ACACB: variants seen among roughly 807,000 people sequenced by gnomAD.
ACACB encodes acetyl-CoA carboxylase 2.
In ACACB, 209 loss-of-function variants were observed where a neutral mutation model predicts 278.8. That is an observed-to-expected ratio of 0.75 (90% CI 0.67 to 0.84). The LOEUF (loss-of-function observed/expected upper bound fraction) is 0.84, where lower values mean the gene tolerates loss of function less well. ACACB is among the 40% of genes least tolerant of loss of function. ACACB has a pLI of 0.00. For missense variants in ACACB, 2,850 were observed against 3,269.0 expected (o/e 0.87, Z 3.13); for synonymous variants, 1,174 against 1,285.6 (o/e 0.91, Z 1.86).
At chr12:109,139,305 C>T in intron 1 of ACACB, 92 bp from the exon 2 acceptor site, 1 of 1,206,134 alleles carries the variant, frequency 8.3e-7, no homozygotes, top group Non-Finnish European at 1.2e-6. Context: ...GAATACACAG[C>T]ACCCCAACAG....
chr12:109,198,393 G>A (rs1039608778), intron 17 of ACACB, among the ~76,000 whole-genome samples: 3 of 152,144 alleles, frequency 2.0e-5, no homozygotes, highest in Non-Finnish European at 4.4e-5. Context: ...CCAAAAAAGG[G>A]TCACATCCTT....
chr12:109,240,951 G>A, intron 35 of ACACB, 127 bp from the exon 36 acceptor site: 2 of 806,036 alleles, frequency 2.5e-6, no homozygotes, highest in South Asian at 1.7e-5. Context: ...ACTTTTTGTT[G>A]GATACACACT....
At chr12:109,183,513 T>C (rs577173704) in intron 11 of ACACB, among the ~76,000 whole-genome samples, 173 of 152,340 alleles carry the variant, frequency 1.1e-3, no homozygotes, top group African/African-American at 3.7e-3. Flanking sequence ...TGGTTAAGTT[T>C]ATTCCAGGGA....
intron 1 of ACACB, among the ~76,000 whole-genome samples, chr12:109,122,220 G>A (rs945904529): frequency 1.3e-5 from 2 of 152,156 alleles, no homozygotes; most frequent in Admixed American, 6.5e-5. Context: ...GTGACTTTGC[G>A]TCACTTCAAC....
In ACACB at chr12:109,166,932, T is replaced by C; in HGVS notation, c.725T>C (p.Phe242Ser). 1.2e-6 allele frequency: 2 copies of C among 1,613,974 alleles called. No individual in the cohort carries two copies. The highest frequency in any genetic ancestry group is 1.7e-6 in the Non-Finnish European group (2 of 1,180,026). Residue 242 changes from phenylalanine to serine, a missense_variant, in exon 3 of 53, where the codon TTT (phenylalanine) becomes TCT (serine). By Grantham distance (155) the Phe-to-Ser change is radical (BLOSUM62 -2). Transcript: ENST00000338432. ...EHKKLDLHRD[F>S]TVASPAEFVT... ...AAGAAGCTGGACCTGCACAGAGACT[T>C]TACCGTGGCTTCTCCCGCTGAGTTT...
chr12:109,242,701 G>C (rs1239123379), intron 37 of ACACB, 109 bp downstream of exon 37: 1 of 1,354,080 alleles, frequency 7.4e-7, no homozygotes, highest in East Asian at 2.3e-5. Flanking sequence ...TAAAGGACAA[G>C]GTCTTGCCAG....
intron 1 of ACACB, among the ~76,000 whole-genome samples, chr12:109,135,052 T>C (rs532058151): frequency 6.6e-6 from 1 of 152,320 alleles, no homozygotes; most frequent in East Asian, 1.9e-4. Context: ...TGCTGGATCA[T>C]ATGATAATTC....
chr12:109,131,058 C>T (rs1340435676), intron 1 of ACACB, among the ~76,000 whole-genome samples: 1 of 152,148 alleles, frequency 6.6e-6, no homozygotes, highest in Non-Finnish European at 1.5e-5. Context: ...ATTGCATGAG[C>T]AGTGAAGTAG....
At chr12:109,163,590 T>G (rs868173361) in intron 2 of ACACB, among the ~76,000 whole-genome samples, 1 of 151,980 alleles carries the variant, frequency 6.6e-6, no homozygotes, top group South Asian at 2.1e-4. Context: ...TAATAGGACT[T>G]CGGGAAAAAA....
intron 22 of ACACB, among the ~76,000 whole-genome samples, chr12:109,215,745 G>A (rs1283536393): frequency 1.3e-5 from 2 of 151,854 alleles, no homozygotes; most frequent in Non-Finnish European, 2.9e-5. Flanking sequence ...CAGCCTGGCC[G>A]ACTGAGCGAG....
intron 2 of ACACB, among the ~76,000 whole-genome samples, chr12:109,141,485 G>T (rs764821082): frequency 2.4e-4 from 36 of 152,192 alleles, no homozygotes; most frequent in Non-Finnish European, 5.1e-4. Context: ...ACAGAGAGAA[G>T]AAAAGAGCCA....
At chr12:109,210,235 ATATATG>A (rs1271870538) in intron 21 of ACACB, among the ~76,000 whole-genome samples, 289 of 21,036 alleles carry the variant, frequency 0.014, 74 homozygotes, top group Middle Eastern at 0.077. Context: ...GTGTATATGT[ATATATG>A]TATATATACA....
chr12:109,248,790 T>A (rs1377105388), intron 40 of ACACB, among the ~76,000 whole-genome samples: 1 of 152,236 alleles, frequency 6.6e-6, no homozygotes, highest in Non-Finnish European at 1.5e-5. Context: ...GTACTTTGCA[T>A]CCTAAAGTTG....
rs757945449 is a variant in ACACB at position 109,212,887 on chromosome 12, C to T, written c.3301C>T (p.Arg1101Ter). The T allele has an allele frequency of 2.7e-5, 43 of 1,614,002 alleles. No individual in the cohort carries two copies. The highest frequency in any genetic ancestry group is 3.3e-5 in the Admixed American group (2 of 60,006). Reference protein sequence around the residue: ...HAATLQRKADREVFFINTQSI... With the variant: ...HAATLQRKAD ...AGCCACCCTGCAGCGGAAGGCTGAT[C>T]GAGAGGTCTTCTTCATCAACACCCA... Residue 1101 changes from arginine (R) to a stop codon, truncating the protein, a stop_gained, in exon 22 of 53, where the codon CGA becomes TGA. Transcript: ENST00000338432. LOFTEE classifies it high-confidence loss of function.
At chr12:109,232,879 A>G (rs1047488474) in intron 29 of ACACB, 73 bp downstream of exon 29, 44 of 1,569,574 alleles carry the variant, frequency 2.8e-5, no homozygotes, top group South Asian at 1.0e-4. Flanking sequence ...TCCCCCCCCA[A>G]TTCACTGGAC....
chr12:109,150,369 C>A (rs1026396783), intron 2 of ACACB, among the ~76,000 whole-genome samples: 2 of 152,168 alleles, frequency 1.3e-5, no homozygotes, highest in African/African-American at 4.8e-5. Flanking sequence ...CAAGCCCTGG[C>A]CGGGCTTACA....
chr12:109,222,482 T>C (rs2046198646), intron 24 of ACACB, 25 bp from the exon 25 acceptor site: 1 of 1,606,670 alleles, frequency 6.2e-7, no homozygotes, highest in African/African-American at 1.3e-5. Context: ...GAAAAGCCAT[T>C]TGGCTTCTTT....
chr12:109,190,062 G>A (rs934126025), intron 13 of ACACB, among the ~76,000 whole-genome samples: 1 of 152,122 alleles, frequency 6.6e-6, no homozygotes. Flanking sequence ...AGTGAGCTGA[G>A]ATCGTGCCAT....
chr12:109,149,221 C>T (rs1386522076), intron 2 of ACACB, among the ~76,000 whole-genome samples: 1 of 152,162 alleles, frequency 6.6e-6, no homozygotes, highest in Non-Finnish European at 1.5e-5. Context: ...CACCTCCGTC[C>T]TCCTCCTAAC....
Sources: allele counts gnomAD v4.1 joint callset (sites outside exome capture counted in the v4.1 genomes callset), GRCh38; gene constraint gnomAD v4.1.1; transcripts MANE v1.5; gene names NCBI Gene and HGNC (gene_info 2026-07-23, HGNC 2026-07-21).